The following GRAMD1B variants were observed in gnomAD, a reference collection of about 807,000 sequenced individuals.
GRAMD1B encodes the protein protein Aster-B.
GRAMD1B carries 37 observed loss-of-function variants against 99.7 expected under a neutral mutation model. The ratio of observed to expected loss-of-function variants is 0.37; its 90% confidence interval spans 0.29 to 0.49. GRAMD1B has a LOEUF of 0.49. Ranked by LOEUF, GRAMD1B falls within the 20% of genes least tolerant of loss-of-function variation. The probability of loss-of-function intolerance (pLI) is 0.98; values close to 1 mark genes in which losing one functional copy is unlikely to be tolerated. For synonymous variants in GRAMD1B, 427 were observed against 387.6 expected (o/e 1.10, Z -1.19); for missense variants, 888 against 1,009.2 (o/e 0.88, Z 1.63).
At chr11:123,598,998 A>T in intron 7 of GRAMD1B, 1 of 1,083,984 alleles carries the variant, frequency 9.2e-7, no homozygotes. Context: ...AGATGCCTTC[A>T]GGTTAATGTA....
intron 17 of GRAMD1B, among the ~76,000 whole-genome samples, chr11:123,616,621 A>G (rs1407988263): frequency 6.6e-6 from 1 of 152,250 alleles, no homozygotes; most frequent in African/African-American, 2.4e-5. Context: ...GATCCAGGCC[A>G]AGTGTCTGCC....
chr11:123,477,352 C>T (rs1447184933), intron 1 of GRAMD1B, among the ~76,000 whole-genome samples: 5 of 143,406 alleles, frequency 3.5e-5, no homozygotes, highest in African/African-American at 5.2e-5. Context: ...GTGCTGGGTA[C>T]TTGAGAGTGG....
intron 2 of GRAMD1B, among the ~76,000 whole-genome samples, chr11:123,549,563 G>T (rs981322841): frequency 6.6e-6 from 1 of 151,940 alleles, no homozygotes; most frequent in Non-Finnish European, 1.5e-5. Context: ...AATGATTGTG[G>T]ACCTTTAGGA....
At position 123,613,496 on chromosome 11, in the gene GRAMD1B, A is replaced by G; in HGVS notation, c.2065A>G (p.Met689Val). ...AKTESTYLAEMHRQSPKEKAS... is the reference protein window; with the variant it reads ...AKTESTYLAEVHRQSPKEKAS... ...AACGGAGAGCACTTATTTGGCTGAG[A>G]TGCACAGACAATCTCCCAAAGAGAA... Residue 689 changes from methionine (M) to valine (V), a missense_variant, in exon 16 of 20, where the codon ATG becomes GTG. Physicochemically the swap from Met to Val is conservative, Grantham distance 21. Transcript: ENST00000635736. 1 of 1,613,118 alleles carries G rather than the reference A, an allele frequency of 6.2e-7. No individual in the cohort carries two copies. The highest frequency in any genetic ancestry group is 8.5e-7 in the Non-Finnish European group (1 of 1,179,582).
chr11:123,548,317 T>TACACACACACACAC (rs1298307128), intron 2 of GRAMD1B, among the ~76,000 whole-genome samples: 33 of 96,850 alleles, frequency 3.4e-4, no homozygotes, highest in South Asian at 5.8e-4. Context: ...TATATATATA[T>TACACACACACACAC]ATATATATAC....
intron 1 of GRAMD1B, among the ~76,000 whole-genome samples, chr11:123,480,587 T>C (rs1201982986): frequency 2.0e-5 from 3 of 151,808 alleles, no homozygotes; most frequent in Non-Finnish European, 2.9e-5. Context: ...CTCTTCTGTT[T>C]TGGCTGGCAA....
chr11:123,598,070 G>A, intron 7 of GRAMD1B: 3 of 1,519,576 alleles, frequency 2.0e-6, no homozygotes, highest in Non-Finnish European at 1.8e-6. Flanking sequence ...TTTCAGTTTG[G>A]CCCACAAGGA....
chr11:123,435,994 G>C (rs1017163112), intron 1 of GRAMD1B, among the ~76,000 whole-genome samples: 4 of 141,238 alleles, frequency 2.8e-5, no homozygotes, highest in Non-Finnish European at 4.5e-5. Context: ...CCAGGCTGGA[G>C]TGCAGTGGCT....
chr11:123,579,782 T>A (rs570156536), intron 3 of GRAMD1B, among the ~76,000 whole-genome samples: 1 of 152,182 alleles, frequency 6.6e-6, no homozygotes, highest in Admixed American at 6.5e-5. Context: ...TTCTGTAAGC[T>A]CCGAGGTAGG....
intron 18 of GRAMD1B, 22 bp downstream of exon 18, chr11:123,618,822 C>G: frequency 8.5e-7 from 1 of 1,172,516 alleles, no homozygotes; most frequent in Non-Finnish European, 1.3e-6. Flanking sequence ...CTCGTCCCCT[C>G]ACCTCCACCT....
At chr11:123,374,271 A>G (rs1946623010) in intron 1 of GRAMD1B, among the ~76,000 whole-genome samples, 2 of 152,212 alleles carry the variant, frequency 1.3e-5, no homozygotes, top group African/African-American at 4.8e-5. Context: ...TGAGCCTAGT[A>G]TTATGAGGTA....
rs1484430156 is a variant in GRAMD1B at position 123,613,628 on chromosome 11, G to T, written c.2197G>T (p.Asp733Tyr). Residue 733 changes from aspartate (D) to tyrosine (Y), a missense_variant, in exon 16 of 20, where the codon GAT (aspartate) becomes TAT (tyrosine). Transcript: ENST00000635736. ...CCCGGTCACCACGCCCACAGATGAG[G>T]ATGTGGGCCACAGGATCAAACATGT... ...MSPVTTPTDEDVGHRIKHVAG... is the reference protein window; with the variant it reads ...MSPVTTPTDEYVGHRIKHVAG... The T allele has an allele frequency of 6.2e-7, 1 of 1,613,750 alleles. No homozygotes were observed. The highest frequency in any genetic ancestry group is 8.5e-7 in the Non-Finnish European group (1 of 1,179,798).
intron 1 of GRAMD1B, among the ~76,000 whole-genome samples, chr11:123,465,443 T>C (rs925231619): frequency 2.6e-5 from 4 of 152,130 alleles, no homozygotes; most frequent in African/African-American, 9.7e-5. Flanking sequence ...GACCTGAAGC[T>C]CTGAATGGTA....
intron 1 of GRAMD1B, among the ~76,000 whole-genome samples, chr11:123,471,330 G>A (rs114459685): frequency 0.012 from 1,898 of 152,306 alleles, 41 homozygotes; most frequent in African/African-American, 0.043. Context: ...CTTAAGAGCA[G>A]AGACCTCATC....
intron 2 of GRAMD1B, among the ~76,000 whole-genome samples, chr11:123,561,171 G>A (rs757048670): frequency 6.6e-6 from 1 of 152,184 alleles, no homozygotes; most frequent in Non-Finnish European, 1.5e-5. Context: ...GGAGGGCAGA[G>A]GAATGAATTA....
intron 2 of GRAMD1B, among the ~76,000 whole-genome samples, chr11:123,488,028 CG>C (rs900590024): frequency 2.5e-4 from 38 of 152,238 alleles, no homozygotes; most frequent in Admixed American, 1.2e-3. Context: ...TTTTGGAGCC[CG>C]GGAAGTCCAA....
chr11:123,619,021 T>C (rs1165926801), intron 18 of GRAMD1B, 86 bp from the exon 19 acceptor site: 1 of 763,060 alleles, frequency 1.3e-6, no homozygotes, highest in Non-Finnish European at 2.2e-6. Context: ...CTGATGTGAC[T>C]CTCTGTCCTT....
intron 8 of GRAMD1B, among the ~76,000 whole-genome samples, chr11:123,602,414 C>T (rs899223673): frequency 1.3e-5 from 2 of 151,990 alleles, no homozygotes; most frequent in African/African-American, 2.4e-5. Context: ...GGTACATGTG[C>T]ACAACGTGCA....
rs771871633 is a variant in GRAMD1B at position 123,520,518 on chromosome 11, C to A, written c.452+39625C>A. 1.5e-3 allele frequency among the ~76,000 whole-genome samples: 224 copies of A among 152,102 alleles called. 7 individuals carry two copies. The highest frequency in any genetic ancestry group is 1.2e-3 in the South Asian group (6 of 4,816). On this transcript the variant is annotated intron_variant, in intron 2 of 19. Coordinates refer to ENST00000635736, the MANE Select transcript of GRAMD1B (RefSeq NM_001387025.1). ...GGGCGCGATGGCTCACACCTGCAAT[C>A]CCAGCACTTTGAGAGACCAAGGCGG...
Sources: allele counts gnomAD v4.1 joint callset (sites outside exome capture counted in the v4.1 genomes callset), GRCh38; gene constraint gnomAD v4.1.1; transcripts MANE v1.5; gene names NCBI Gene and HGNC (gene_info 2026-07-23, HGNC 2026-07-21).